PTPRD: variants seen among roughly 807,000 people sequenced by gnomAD.
PTPRD encodes receptor-type tyrosine-protein phosphatase delta.
In PTPRD, 34 loss-of-function variants were observed where a neutral mutation model predicts 214.5. That is an observed-to-expected ratio of 0.16 (90% CI 0.12 to 0.21). PTPRD has a LOEUF of 0.21. PTPRD is among the 10% of genes least tolerant of loss of function. The pLI is 1.00. For synonymous variants in PTPRD, 1,128 were observed against 845.7 expected, an observed-to-expected ratio of 1.33 and a Z score of -5.79; for missense variants, 2,545 against 2,398.7, an observed-to-expected ratio of 1.06 and a Z score of -1.27.
chr9:8,318,386 G>C (rs1823628286), intron 45 of PTPRD, among the ~76,000 whole-genome samples: 1 of 152,036 alleles, frequency 6.6e-6, no homozygotes, highest in South Asian at 2.1e-4. Context: ...AAACTGTCCT[G>C]AGAAAAATCT....
intron 2 of PTPRD, among the ~76,000 whole-genome samples, chr9:10,406,374 C>T (rs543180114): frequency 7.9e-5 from 12 of 151,238 alleles, no homozygotes; most frequent in Non-Finnish European, 1.5e-4. Context: ...GAATAACAAA[C>T]GAAAATTGAA....
At chr9:8,775,993 A>G (rs2095456787) in intron 11 of PTPRD, among the ~76,000 whole-genome samples, 2 of 152,230 alleles carry the variant, frequency 1.3e-5, no homozygotes, top group Admixed American at 1.3e-4. Context: ...AAATCAAAAA[A>G]TGCTTCGAAA....
At chr9:9,961,923 G>C (rs1587463695) in intron 4 of PTPRD, among the ~76,000 whole-genome samples, 1 of 152,130 alleles carries the variant, frequency 6.6e-6, no homozygotes, top group East Asian at 1.9e-4. Flanking sequence ...TGATGAATAT[G>C]CTAATTACCC....
At chr9:8,951,138 A>AGTGTGTGTGTGTGTGTGTGTGT (rs56212369) in intron 11 of PTPRD, among the ~76,000 whole-genome samples, 23 of 147,124 alleles carry the variant, frequency 1.6e-4, no homozygotes, top group African/African-American at 4.5e-4. Flanking sequence ...TAGGAAAAAG[A>AGTGTGTGTGTGTGTGTGTGTGT]GTGTGTGTGT....
chr9:9,627,612 T>C (rs887865712), intron 7 of PTPRD, among the ~76,000 whole-genome samples: 20 of 152,208 alleles, frequency 1.3e-4, no homozygotes, highest in African/African-American at 4.8e-4. Flanking sequence ...AACACTTAAA[T>C]TGCTTTGCAC....
chr9:10,332,687 G>A (rs1408013564), intron 3 of PTPRD, among the ~76,000 whole-genome samples: 5 of 151,542 alleles, frequency 3.3e-5, no homozygotes, highest in African/African-American at 9.7e-5. Context: ...TGAGAAAACC[G>A]AGACCTGAAA....
At chr9:8,338,433 A>C (rs1479631299) in intron 43 of PTPRD, among the ~76,000 whole-genome samples, 1 of 152,154 alleles carries the variant, frequency 6.6e-6, no homozygotes, top group Non-Finnish European at 1.5e-5. Flanking sequence ...GAATCAAATT[A>C]GAATGTGCAA....
rs1053097614 is a variant in PTPRD, at chr9:10,306,843, A to C, written c.-545+34120T>G. Among the ~76,000 whole-genome samples the C allele has an allele frequency of 1.6e-4, 25 of 152,216 alleles. 1 individual carries two copies. The highest frequency in any genetic ancestry group is 1.4e-3 in the Admixed American group (21 of 15,276). The stretch of plus-strand genomic sequence containing the variant: ...CTAGTATTATCTCATTGGCATCCTA[A>C]TTATAAATCTGCTATTATTCATTTT... On this transcript the variant is annotated intron_variant, in intron 3 of 45. Transcript: ENST00000381196.
chr9:8,932,712 C>T (rs566138958), intron 11 of PTPRD, among the ~76,000 whole-genome samples: 1 of 152,176 alleles, frequency 6.6e-6, no homozygotes, highest in East Asian at 1.9e-4. Flanking sequence ...AAAGGTGGAC[C>T]CCCCCTCCCC....
chr9:10,517,828 G>A (rs1331529143), intron 2 of PTPRD, among the ~76,000 whole-genome samples: 2 of 151,948 alleles, frequency 1.3e-5, no homozygotes, highest in African/African-American at 4.8e-5. Context: ...TCATTTATAG[G>A]TGTTTACCTT....
Position 9,311,124 on chromosome 9 carries a change from T to C in PTPRD, c.-203+86325A>G, listed in dbSNP as rs187729079. 4.1e-3 allele frequency among the ~76,000 whole-genome samples: 624 copies of C among 152,022 alleles called. 1 individual carries two copies. The highest frequency in any genetic ancestry group is 5.6e-3 in the Non-Finnish European group (383 of 67,960). ...AATAGGAAAAGGCAAACGCCAGCAA[T>C]TACTAGAATTTATTGTTTGTTTAGT... On this transcript the variant is annotated intron_variant, in intron 9 of 45. Coordinates refer to ENST00000381196, the MANE Select transcript of PTPRD (RefSeq NM_002839.4).
intron 7 of PTPRD, among the ~76,000 whole-genome samples, chr9:9,658,327 C>T (rs887662696): frequency 5.3e-5 from 8 of 152,154 alleles, no homozygotes; most frequent in Non-Finnish European, 1.0e-4. Context: ...ACCCATTTAT[C>T]TCCCGAACTG....
intron 9 of PTPRD, among the ~76,000 whole-genome samples, chr9:9,376,727 T>A (rs1472041133): frequency 6.6e-6 from 1 of 152,112 alleles, no homozygotes; most frequent in Non-Finnish European, 1.5e-5. Flanking sequence ...AAGACTGAAA[T>A]AGAACCCCTC....
At chr9:9,353,445 A>G (rs12347025) in intron 9 of PTPRD, among the ~76,000 whole-genome samples, 2,114 of 152,054 alleles carry the variant, frequency 0.014, 51 homozygotes, top group African/African-American at 0.048. Flanking sequence ...TAGGTTAAAT[A>G]CTTTGCATAT....
chr9:9,960,790 G>A (rs1216733430), intron 4 of PTPRD, among the ~76,000 whole-genome samples: 1 of 152,062 alleles, frequency 6.6e-6, no homozygotes, highest in Non-Finnish European at 1.5e-5. Flanking sequence ...TAATATCCAT[G>A]AACATTTATT....
intron 11 of PTPRD, among the ~76,000 whole-genome samples, chr9:8,761,852 G>C (rs1565867905): frequency 6.6e-6 from 1 of 152,138 alleles, no homozygotes; most frequent in Non-Finnish European, 1.5e-5. Flanking sequence ...TACAGTTTTA[G>C]TTTTAAATAT....
intron 14 of PTPRD, among the ~76,000 whole-genome samples, chr9:8,628,448 G>A (rs1442463411): frequency 6.6e-6 from 1 of 151,622 alleles, no homozygotes; most frequent in Non-Finnish European, 1.5e-5. Flanking sequence ...ACTGCTCACT[G>A]TGTGTTTTAC....
At chr9:8,644,625 C>A (rs1396677577) in intron 12 of PTPRD, among the ~76,000 whole-genome samples, 1 of 152,216 alleles carries the variant, frequency 6.6e-6, no homozygotes. Context: ...CCTGTTGTTT[C>A]CAAGTTTCCA....
chr9:8,940,456 TTTTTTTTG>T (rs1189881802), intron 11 of PTPRD, among the ~76,000 whole-genome samples: 3 of 135,784 alleles, frequency 2.2e-5, no homozygotes, highest in Non-Finnish European at 1.6e-5. Context: ...CTTTTTTTTT[TTTTTTTTG>T]GTATTTTTAA....
Sources: allele counts gnomAD v4.1 joint callset (sites outside exome capture counted in the v4.1 genomes callset), GRCh38; gene constraint gnomAD v4.1.1; transcripts MANE v1.5; gene names NCBI Gene and HGNC (gene_info 2026-07-23, HGNC 2026-07-21).